The following ACOX2 variants were observed in gnomAD, a reference collection of about 807,000 sequenced individuals.
ACOX2 encodes the protein acyl-CoA oxidase 2.
ACOX2 carries 59 observed loss-of-function variants against 77.5 expected under a neutral mutation model. That is an observed-to-expected ratio of 0.76 (90% CI 0.62 to 0.95). The LOEUF (loss-of-function observed/expected upper bound fraction) is 0.95, where lower values mean the gene tolerates loss of function less well. Ranked by LOEUF, ACOX2 falls within the 40% of genes least tolerant of loss-of-function variation. ACOX2 has a pLI of 0.00. For missense variants in ACOX2, 837 were observed against 880.4 expected, an observed-to-expected ratio of 0.95 and a Z score of 0.62; for synonymous variants, 317 against 340.1, an observed-to-expected ratio of 0.93 and a Z score of 0.75.
chr3:58,531,270 A>T lies in ACOX2; in HGVS notation c.800T>A (p.Met267Lys). ...LNHVRVPREN[M>K]LSRFAQVLPD... ...TGTAACCTGTGCAAAGCGACTCAGC[A>T]TGTTCTCCCTGGGGACCCGCACATG... Residue 267 changes from methionine to lysine, a missense_variant, in exon 7 of 15, where the codon ATG (methionine) becomes AAG (lysine). Coordinates refer to ENST00000302819, the MANE Select transcript of ACOX2 (RefSeq NM_003500.4). The surrounding 1 kb of genome is among the most constrained non-coding windows in gnomAD (Gnocchi z 5.8). 6.2e-7 allele frequency: 1 copy of T among 1,613,000 alleles called. No individual in the cohort carries two copies. The highest frequency in any genetic ancestry group is 2.2e-5 in the East Asian group (1 of 44,856).
At chr3:58,518,963 A>G (rs1290679222) in intron 12 of ACOX2, among the ~76,000 whole-genome samples, 1 of 152,044 alleles carries the variant, frequency 6.6e-6, no homozygotes, top group Non-Finnish European at 1.5e-5. Context: ...TTTTATGTGC[A>G]TATAGATCAC....
chr3:58,527,228 C>T (rs2063401892), intron 9 of ACOX2, among the ~76,000 whole-genome samples: 1 of 152,146 alleles, frequency 6.6e-6, no homozygotes, highest in South Asian at 2.1e-4. Context: ...TGAATGGGAT[C>T]AGTGCCCTCA....
chr3:58,516,566 G>A lies in ACOX2; in HGVS notation c.1850+640C>T, dbSNP rs1238643978. ...TTAAAGGTTGGCTATGCCTGGGCAC[G>A]TTGGTTCACACCTGTAATCCCAGCA... On this transcript the variant is annotated intron_variant, in intron 13 of 14. Transcript: ENST00000302819. 7.2e-5 allele frequency among the ~76,000 whole-genome samples: 11 copies of A among 152,260 alleles called. No homozygotes were observed. The South Asian group carries it at 1.2e-3, about 17-fold the overall frequency.
intron 8 of ACOX2, among the ~76,000 whole-genome samples, chr3:58,529,756 A>G (rs2063423058): frequency 1.3e-5 from 2 of 152,148 alleles, no homozygotes; most frequent in Admixed American, 6.5e-5. Flanking sequence ...TGAGGACTTA[A>G]TGTGCCTTAC....
chr3:58,532,082 A>G (rs954777834), intron 5 of ACOX2, among the ~76,000 whole-genome samples: 1 of 152,166 alleles, frequency 6.6e-6, no homozygotes, highest in African/African-American at 2.4e-5. Context: ...AATACAGATA[A>G]TTATCATTTA....
At position 58,512,637 on chromosome 3, in the gene ACOX2, G is replaced by A. The variant is rs2063296691; in HGVS notation, c.1851-3612C>T. 6.6e-6 allele frequency among the ~76,000 whole-genome samples: 1 copy of A among 152,122 alleles called. No individual in the cohort carries two copies. The highest frequency in any genetic ancestry group is 1.5e-5 in the Non-Finnish European group (1 of 68,024). ...CCGCAGTCATGCCATTCCTGCCCCT[G>A]TGGCCTCTTCTGTGTTCTCTGGATG... On this transcript the variant is annotated intron_variant, in intron 13 of 14. Coordinates refer to ENST00000302819, the MANE Select transcript of ACOX2 (RefSeq NM_003500.4). This position sits in a 1 kb window ranked among gnomAD's most constrained non-coding sequence, Gnocchi z 4.8.
At chr3:58,509,954 A>C (rs1169988718) in intron 13 of ACOX2, among the ~76,000 whole-genome samples, 2 of 152,144 alleles carry the variant, frequency 1.3e-5, no homozygotes, top group African/African-American at 4.8e-5. Context: ...CTGAATGTCA[A>C]AATATCTTGT....
chr3:58,511,151 C>T (rs1012342890), intron 13 of ACOX2: 6 of 429,644 alleles, frequency 1.4e-5, no homozygotes, highest in Non-Finnish European at 2.3e-5. Flanking sequence ...GCTCAGGCCT[C>T]AGTCCCTCCT....
chr3:58,535,258 G>C lies in ACOX2; in HGVS notation c.-91-61C>G, dbSNP rs1471837683. 2 of 918,114 alleles carry C rather than the reference G, an allele frequency of 2.2e-6. No homozygotes were observed. Among genetic ancestry groups the C allele is most frequent in the Non-Finnish European group, 3.4e-6 (2 of 594,056 alleles). 56.9% of individuals were successfully genotyped at this position (918,114 alleles called of 1,614,324 possible). A position where few individuals can be genotyped will look rare whatever the true frequency, so the allele number is the denominator to read the frequency against. On this transcript the variant is annotated intron_variant, in intron 1 of 14. Coordinates refer to ENST00000302819, the MANE Select transcript of ACOX2 (RefSeq NM_003500.4). The surrounding 1 kb of genome is among the most constrained non-coding windows in gnomAD (Gnocchi z 4.8). ...AGCCAGGGCTGGTTGGTAGAAGAAA[G>C]ACATCCCTAAGTACCTGAATGCCAC...
Position 58,525,319 on chromosome 3 carries a change from G to C in ACOX2, c.1347-714C>G, listed in dbSNP as rs1039122838. Among the ~76,000 whole-genome samples the C allele has an allele frequency of 2.0e-5, 3 of 152,226 alleles. No individual in the cohort carries two copies. The stretch of plus-strand genomic sequence containing the variant: ...TATTTTTAAAAATATAATAAATGTT[G>C]TTTTTCATATTTGCCAGTGAACTTC... On this transcript the variant is annotated intron_variant, in intron 10 of 14. Transcript: ENST00000302819. This position sits in a 1 kb window ranked among gnomAD's most constrained non-coding sequence, Gnocchi z 5.0.
rs1463619928 is a variant in ACOX2 at position 58,524,685 on chromosome 3, C to T, written c.1347-80G>A. 2 of 1,441,662 alleles carry T rather than the reference C, an allele frequency of 1.4e-6. No individual in the cohort carries two copies. Among genetic ancestry groups the T allele is most frequent in the Non-Finnish European group, 1.9e-6 (2 of 1,057,642 alleles). 89.3% of individuals were successfully genotyped at this position (1,441,662 alleles called of 1,614,324 possible). ...AGCACCCCTCACTCCCAGAGACAGG[C>T]AAGCTCATGCTAGGTTCCAGCCTTC... On this transcript the variant is annotated intron_variant, in intron 10 of 14. Transcript: ENST00000302819. This position sits in a 1 kb window ranked among gnomAD's most constrained non-coding sequence, Gnocchi z 5.5.
chr3:58,508,925 G>A lies in ACOX2; in HGVS notation c.1951C>T (p.Gln651Ter). The stretch of plus-strand genomic sequence containing the variant: ...TTGGTTGGTGACTTCTGAGCCCACT[G>A]GAACAGGCGTTCGTAGACGTTTCCA... Reference protein sequence around the residue: ...YDGNVYERLFQWAQKSPTNTQ... With the variant: ...YDGNVYERLF Residue 651 changes from glutamine to a stop codon, truncating the protein, a stop_gained, in exon 14 of 15, where the codon CAG (glutamine) becomes TAG (stop). Transcript: ENST00000302819. LOFTEE classifies it high-confidence loss of function. The A allele has an allele frequency of 6.2e-7, 1 of 1,614,168 alleles. No homozygotes were observed. Among genetic ancestry groups the A allele is most frequent in the South Asian group, 1.1e-5 (1 of 91,082 alleles).
chr3:58,511,267 C>T, intron 13 of ACOX2: 1 of 331,168 alleles, frequency 3.0e-6, no homozygotes, highest in South Asian at 2.4e-5. Context: ...AGTGGAAATG[C>T]CCTTCTTTCT....
rs749297732 is a variant in ACOX2 at position 58,517,221 on chromosome 3, A to C, written c.1835T>G (p.Leu612Arg). Residue 612 changes from leucine (L) to arginine (R), a missense_variant, in exon 13 of 15, where the codon CTG becomes CGG. By Grantham distance (102) the Leu-to-Arg change is moderately radical. Coordinates refer to ENST00000302819, the MANE Select transcript of ACOX2 (RefSeq NM_003500.4). ...VDMARTAYLD[L>R]LRLIRKDAIL... ...TGCCACTCACCGGATCAGGCGGAGC[A>C]GGTCCAGGTAGGCTGTTCTTGCCAT... The C allele has an allele frequency of 6.2e-7, 1 of 1,613,968 alleles. No individual in the cohort carries two copies. The highest frequency in any genetic ancestry group is 1.1e-5 in the South Asian group (1 of 91,058).
In ACOX2 at chr3:58,526,116, G is replaced by A. The variant is rs1332600419; in HGVS notation, c.1346+350C>T. The stretch of plus-strand genomic sequence containing the variant: ...GGTCACATGGACCTTGCAGGCCACA[G>A]CATAGAATATGTCATTTTCCTATGA... On this transcript the variant is annotated intron_variant, in intron 10 of 14. Transcript: ENST00000302819. The surrounding 1 kb of genome is among the most constrained non-coding windows in gnomAD (Gnocchi z 4.3). Among the ~76,000 whole-genome samples the A allele has an allele frequency of 6.6e-6, 1 of 152,152 alleles. No homozygotes were observed. Among genetic ancestry groups the A allele is most frequent in the African/African-American group, 2.4e-5 (1 of 41,446 alleles).
intron 9 of ACOX2, among the ~76,000 whole-genome samples, chr3:58,527,851 C>CCTGA (rs1254142053): frequency 7.1e-5 from 10 of 141,312 alleles, no homozygotes; most frequent in Non-Finnish European, 6.1e-5. Context: ...TGCTACCACA[C>CCTGA]CTGACTAATT....
chr3:58,533,904 A>T lies in ACOX2; in HGVS notation c.475+90T>A. The T allele has an allele frequency of 6.7e-7, 1 of 1,496,298 alleles. No individual in the cohort carries two copies. The highest frequency in any genetic ancestry group is 9.2e-7 in the Non-Finnish European group (1 of 1,091,686). The allele number at this position is 1,496,298 out of a possible 1,614,324, so 92.7% of individuals were successfully genotyped here. On this transcript the variant is annotated intron_variant, in intron 4 of 14. Coordinates refer to ENST00000302819, the MANE Select transcript of ACOX2 (RefSeq NM_003500.4). The surrounding 1 kb of genome is among the most constrained non-coding windows in gnomAD (Gnocchi z 5.6). ...TTATTAAACATATGTCCCTCGGAGC[A>T]TATGAACCTATGACTACCTAGATGT... is the stretch of plus-strand genomic sequence containing the variant.
rs980993799 is a variant in ACOX2, at chr3:58,512,449, A to G, written c.1851-3424T>C. 2.6e-5 allele frequency among the ~76,000 whole-genome samples: 4 copies of G among 152,158 alleles called. No individual in the cohort carries two copies. Among genetic ancestry groups the G allele is most frequent in the Non-Finnish European group, 4.4e-5 (3 of 68,042 alleles). ...GAGCAAGCCTTTAAAAATACACATC[A>G]GATTCTTTTAGGTTGTGTCTATCCA... is the stretch of plus-strand genomic sequence containing the variant. On this transcript the variant is annotated intron_variant, in intron 13 of 14. Transcript: ENST00000302819. This position sits in a 1 kb window ranked among gnomAD's most constrained non-coding sequence, Gnocchi z 4.8.
chr3:58,508,871 A>G, intron 14 of ACOX2, 22 bp downstream of exon 14: 1 of 1,612,794 alleles, frequency 6.2e-7, no homozygotes, highest in Non-Finnish European at 8.5e-7. Flanking sequence ...TACATAATTT[A>G]TAATGTGTTC....
Sources: gnomAD v4.1 joint callset for allele counts (sites outside exome capture counted in the v4.1 genomes callset) on GRCh38, gnomAD v4.1.1 for gene constraint, Gnocchi (gnomAD v3.1) non-coding constraint, MANE v1.5 for transcripts, NCBI Gene and HGNC (gene_info 2026-07-23, HGNC 2026-07-21) for gene names.